Variants in RNF150 observed in about 807,000 individuals in gnomAD.
RNF150 encodes ring finger protein 150.
In RNF150, 24 loss-of-function variants were observed where a neutral mutation model predicts 39.3. The observed-to-expected ratio is 0.61, with a 90% CI of 0.44 to 0.86. The LOEUF (loss-of-function observed/expected upper bound fraction) is 0.86. Among genes scored for constraint, RNF150 ranks in the 40% least tolerant of loss-of-function variants. The pLI is 0.00. For missense variants in RNF150, 502 were observed against 587.8 expected (o/e 0.85, Z 1.51); for synonymous variants, 255 against 227.3 (o/e 1.12, Z -1.10).
intron 1 of RNF150, among the ~76,000 whole-genome samples, chr4:141,044,785 A>G (rs927291595): frequency 4.7e-5 from 7 of 149,336 alleles, no homozygotes; most frequent in African/African-American, 1.5e-4. Flanking sequence ...ACACACACGC[A>G]CACACACACA....
At chr4:141,206,480 G>A (rs1273027782) in intron 1 of RNF150, among the ~76,000 whole-genome samples, 1 of 147,556 alleles carries the variant, frequency 6.8e-6, no homozygotes, top group Non-Finnish European at 1.5e-5. Flanking sequence ...AAAGATTGCC[G>A]CCATAGTCAA....
At chr4:141,198,647 G>A (rs1728243283) in intron 1 of RNF150, among the ~76,000 whole-genome samples, 1 of 152,200 alleles carries the variant, frequency 6.6e-6, no homozygotes, top group African/African-American at 2.4e-5. Flanking sequence ...TATACTTCAG[G>A]AAGGTTTTGG....
At chr4:140,950,167 A>G (rs1732490100) in intron 2 of RNF150, among the ~76,000 whole-genome samples, 1 of 152,198 alleles carries the variant, frequency 6.6e-6, no homozygotes. Flanking sequence ...AGTTTTCTAC[A>G]TGTTTTATCT....
At chr4:141,035,552 C>G (rs1736109516) in intron 1 of RNF150, among the ~76,000 whole-genome samples, 1 of 152,172 alleles carries the variant, frequency 6.6e-6, no homozygotes, top group South Asian at 2.1e-4. Flanking sequence ...TGCAAGGACA[C>G]TATCACTTCA....
intron 1 of RNF150, among the ~76,000 whole-genome samples, chr4:141,195,289 C>T (rs542568089): frequency 6.6e-6 from 1 of 152,282 alleles, no homozygotes; most frequent in South Asian, 2.1e-4. Context: ...ATGTAAAAAG[C>T]CCCTGGAAGG....
At chr4:140,990,662 G>A (rs1734163501) in intron 1 of RNF150, among the ~76,000 whole-genome samples, 1 of 152,220 alleles carries the variant, frequency 6.6e-6, no homozygotes, top group African/African-American at 2.4e-5. Context: ...CAAAGAACAT[G>A]ATCTCGTTCC....
At chr4:140,987,161 G>T (rs1734043358) in intron 1 of RNF150, among the ~76,000 whole-genome samples, 2 of 152,018 alleles carry the variant, frequency 1.3e-5, no homozygotes, top group East Asian at 3.9e-4. Flanking sequence ...TGAATTGGAA[G>T]AATTAATATC....
intron 6 of RNF150, among the ~76,000 whole-genome samples, chr4:140,893,204 C>T (rs762333537): frequency 2.7e-5 from 4 of 150,016 alleles, no homozygotes; most frequent in African/African-American, 9.7e-5. Flanking sequence ...AAATATTCCA[C>T]CCATGGATGT....
intron 1 of RNF150, among the ~76,000 whole-genome samples, chr4:141,197,704 C>T (rs574589361): frequency 6.6e-6 from 1 of 151,918 alleles, no homozygotes; most frequent in Non-Finnish European, 1.5e-5. Flanking sequence ...TGGTGAAACC[C>T]CATCTCTACT....
At chr4:140,891,459 C>A (rs974242205) in intron 6 of RNF150, among the ~76,000 whole-genome samples, 1 of 152,272 alleles carries the variant, frequency 6.6e-6, no homozygotes, top group Middle Eastern at 3.4e-3. Flanking sequence ...GAAGGCTGGA[C>A]AGTGGTGGAA....
intron 6 of RNF150, among the ~76,000 whole-genome samples, chr4:140,895,669 G>A (rs1170103659): frequency 6.6e-6 from 1 of 152,140 alleles, no homozygotes; most frequent in African/African-American, 2.4e-5. Flanking sequence ...TAGCTGCAAT[G>A]CACCCAAAGA....
chr4:141,010,567 T>A (rs13132043), intron 1 of RNF150, among the ~76,000 whole-genome samples: 4 of 151,988 alleles, frequency 2.6e-5, no homozygotes, highest in Non-Finnish European at 4.4e-5. Flanking sequence ...TATCTTCTTC[T>A]CTTCATAAAG....
intron 1 of RNF150, among the ~76,000 whole-genome samples, chr4:141,110,724 C>G (rs531565848): frequency 2.0e-5 from 3 of 152,106 alleles, no homozygotes; most frequent in African/African-American, 7.2e-5. Flanking sequence ...AACAGTTTTT[C>G]ACTGAGGCTT....
chr4:140,975,134 T>C (rs978062112), intron 1 of RNF150, among the ~76,000 whole-genome samples: 1 of 152,096 alleles, frequency 6.6e-6, no homozygotes, highest in Non-Finnish European at 1.5e-5. Context: ...CATGCTCCTG[T>C]AGTTCCAGCT....
At chr4:141,086,282 A>G (rs1000416235) in intron 1 of RNF150, among the ~76,000 whole-genome samples, 1 of 152,184 alleles carries the variant, frequency 6.6e-6, no homozygotes. Context: ...ATCTCCTACT[A>G]TAAGTATAGA....
chr4:141,181,462 G>A (rs1727908166), intron 1 of RNF150, among the ~76,000 whole-genome samples: 1 of 152,112 alleles, frequency 6.6e-6, no homozygotes, highest in East Asian at 1.9e-4. Flanking sequence ...TGAAAGCTGA[G>A]CAATTTTATT....
chr4:141,197,784 A>G (rs1728224313), intron 1 of RNF150, among the ~76,000 whole-genome samples: 1 of 151,808 alleles, frequency 6.6e-6, no homozygotes, highest in Non-Finnish European at 1.5e-5. Context: ...AGGCTGAGGC[A>G]GGAGAATGGT....
chr4:140,967,992 C>T, intron 1 of RNF150, 119 bp from the exon 2 acceptor site: 1 of 865,666 alleles, frequency 1.2e-6, no homozygotes. Context: ...TTTGAGAATT[C>T]TGTGCTGGGC....
At chr4:140,886,946 A>T (rs556187414) in intron 6 of RNF150, among the ~76,000 whole-genome samples, 5 of 152,156 alleles carry the variant, frequency 3.3e-5, no homozygotes, top group Non-Finnish European at 7.3e-5. Context: ...TTACATAGAG[A>T]TCTATGACTC....
Sources: gnomAD v4.1 joint callset for allele counts (sites outside exome capture counted in the v4.1 genomes callset) on GRCh38, gnomAD v4.1.1 for gene constraint, MANE v1.5 for transcripts, NCBI Gene and HGNC (gene_info 2026-07-23, HGNC 2026-07-21) for gene names.